The following ITGA1 variants were observed in gnomAD, a reference collection of about 807,000 sequenced individuals.
ITGA1 encodes integrin subunit alpha 1.
Under a neutral mutation model 145.9 loss-of-function variants are expected in ITGA1, and 85 were observed. The observed-to-expected ratio is 0.58, with a 90% CI of 0.49 to 0.70. The LOEUF (loss-of-function observed/expected upper bound fraction) is 0.70. Among genes scored for constraint, ITGA1 ranks in the 30% least tolerant of loss-of-function variants. ITGA1 has a pLI of 0.00. For missense variants in ITGA1, 1,351 were observed against 1,418.7 expected (o/e 0.95, Z 0.77); for synonymous variants, 520 against 495.3 (o/e 1.05, Z -0.66).
chr5:52,865,640 C>T (rs770930494), intron 5 of ITGA1, 50 bp from the exon 6 acceptor site: 3 of 1,408,094 alleles, frequency 2.1e-6, no homozygotes, highest in Non-Finnish European at 1.9e-6. Context: ...CTTCATATGC[C>T]TCTGAAAAAA....
chr5:52,884,354 G>A (rs1750013107), intron 7 of ITGA1, among the ~76,000 whole-genome samples: 1 of 151,926 alleles, frequency 6.6e-6, no homozygotes, highest in Non-Finnish European at 1.5e-5. Flanking sequence ...GGCTGAGGCA[G>A]GAGAAGCGCC....
At chr5:52,912,833 A>T (rs748772311) in intron 14 of ITGA1, among the ~76,000 whole-genome samples, 2 of 149,890 alleles carry the variant, frequency 1.3e-5, no homozygotes, top group African/African-American at 4.9e-5. Flanking sequence ...TGCACGCTCC[A>T]CCTCCCAGGT....
At chr5:52,800,161 G>A in intron 1 of ITGA1, 1 of 562,058 alleles carries the variant, frequency 1.8e-6, no homozygotes, top group Non-Finnish European at 3.2e-6. Context: ...TCGCTGCAGT[G>A]TTCCCCGAGC....
At chr5:52,869,249 C>T (rs1333694500) in intron 6 of ITGA1, among the ~76,000 whole-genome samples, 1 of 152,168 alleles carries the variant, frequency 6.6e-6, no homozygotes, top group East Asian at 1.9e-4. Context: ...CAGCCTCCAC[C>T]TTCTGGGTTC....
chr5:52,826,242 A>T (rs1365681380), intron 1 of ITGA1, among the ~76,000 whole-genome samples: 2 of 152,220 alleles, frequency 1.3e-5, no homozygotes, highest in Admixed American at 1.3e-4. Flanking sequence ...ACTAGCCACA[A>T]CAGTCACTTA....
At chr5:52,912,730 GT>G (rs1750583862) in intron 14 of ITGA1, among the ~76,000 whole-genome samples, 1 of 141,698 alleles carries the variant, frequency 7.1e-6, no homozygotes, top group African/African-American at 2.8e-5. Context: ...GTGTGTGTGT[GT>G]GTGTGTGTGT....
Position 52,918,760 on chromosome 5 carries a change from A to G in ITGA1, c.2017A>G (p.Thr673Ala). Reference sequence around the variant, plus strand: ...CCGAGATGTGGCCGTAGTTAAAGTGACCATGAATTTTGAGCCAAATAAAGT... The same window carrying G: ...CCGAGATGTGGCCGTAGTTAAAGTGGCCATGAATTTTGAGCCAAATAAAGT... ...WSRDVAVVKVTMNFEPNKVNI... is the reference protein window; with the variant it reads ...WSRDVAVVKVAMNFEPNKVNI... Residue 673 changes from threonine to alanine, a missense_variant, in exon 16 of 29, where the codon ACC (threonine) becomes GCC (alanine). Coordinates refer to ENST00000282588, the MANE Select transcript of ITGA1 (RefSeq NM_181501.2). The G allele has an allele frequency of 6.2e-7, 1 of 1,611,824 alleles. No individual in the cohort carries two copies. The highest frequency in any genetic ancestry group is 2.2e-5 in the East Asian group (1 of 44,838).
chr5:52,905,741 C>A, intron 11 of ITGA1, 22 bp from the exon 12 acceptor site: 1 of 1,605,724 alleles, frequency 6.2e-7, no homozygotes, highest in Non-Finnish European at 8.5e-7. Context: ...AGGTGGTATA[C>A]CTGGAATCTT....
chr5:52,918,942 T>C (rs745425128), intron 16 of ITGA1, 44 bp downstream of exon 16: 17 of 1,481,780 alleles, frequency 1.1e-5, no homozygotes, highest in Non-Finnish European at 1.3e-5. Context: ...TAGAGGACAA[T>C]ATATTTGCTC....
intron 1 of ITGA1, among the ~76,000 whole-genome samples, chr5:52,823,985 G>C (rs1460833549): frequency 6.6e-6 from 1 of 152,260 alleles, no homozygotes; most frequent in African/African-American, 2.4e-5. Flanking sequence ...GATATTTAAA[G>C]AGCTCTAGCT....
chr5:52,925,303 A>G lies in ITGA1; in HGVS notation c.2429A>G (p.Asn810Ser), dbSNP rs1750787495. 2.5e-6 allele frequency: 4 copies of G among 1,613,972 alleles called. No homozygotes were observed. The highest frequency in any genetic ancestry group is 1.6e-4 in the Middle Eastern group (1 of 6,082). Residue 810 changes from asparagine to serine, a missense_variant, in exon 19 of 29, where the codon AAT (asparagine) becomes AGT (serine). Asn to Ser is a conservative substitution (Grantham distance 46). Transcript: ENST00000282588. The part of the protein sequence containing the change: ...EYIPFAKDCG[N>S]KEKCISDLSL... ...ATTCCCTTTGCCAAAGATTGTGGAA[A>G]TAAGGAAAAATGTATCTCAGACCTC...
rs1750828226 is a variant in ITGA1, at chr5:52,927,450, G to A, written c.2614-134G>A. 1.3e-5 allele frequency: 8 copies of A among 599,830 alleles called. No individual in the cohort carries two copies. In the South Asian group the frequency reaches 1.9e-4, roughly 14 times the overall value. 37.2% of individuals were successfully genotyped at this position (599,830 alleles called of 1,614,324 possible). ...AGAACAGCTGGTCCCAGAATTCTGT[G>A]CCTCTTCCAGCTAAATCGAGACAAA... On this transcript the variant is annotated intron_variant, in intron 19 of 28. Transcript: ENST00000282588.
chr5:52,874,206 C>A (rs760799369), intron 6 of ITGA1, among the ~76,000 whole-genome samples: 1 of 152,124 alleles, frequency 6.6e-6, no homozygotes, highest in Admixed American at 6.5e-5. Context: ...GAAGCAGCCA[C>A]GTGCAAAAAG....
chr5:52,807,834 C>A (rs1160418262), intron 1 of ITGA1, among the ~76,000 whole-genome samples: 1 of 152,066 alleles, frequency 6.6e-6, no homozygotes, highest in Non-Finnish European at 1.5e-5. Context: ...TTTTTTGTTG[C>A]TTAATTTTAA....
rs970923946 is a variant in ITGA1 at position 52,947,659 on chromosome 5, G to GA, written c.3495+206dup. Among the ~76,000 whole-genome samples, 17 of 151,712 alleles carry GA rather than the reference G, an allele frequency of 1.1e-4. No individual in the cohort carries two copies. The South Asian group carries it at 2.3e-3, about 20-fold the overall frequency. ...ACAACTTGACCCAATTTTTGTAAAGGAAAAAAAACTTATTTTAAGTTAGAA... is the reference window on the plus strand; with the variant it reads ...ACAACTTGACCCAATTTTTGTAAAGGAAAAAAAAACTTATTTTAAGTTAGAA... On this transcript the variant is annotated intron_variant, in intron 28 of 28. Coordinates refer to ENST00000282588, the MANE Select transcript of ITGA1 (RefSeq NM_181501.2).
intron 8 of ITGA1, among the ~76,000 whole-genome samples, chr5:52,889,122 A>G (rs988549816): frequency 2.8e-5 from 4 of 140,602 alleles, no homozygotes; most frequent in South Asian, 2.3e-4. Flanking sequence ...TTTTTTTTAA[A>G]TGGAGTCTCG....
At chr5:52,907,553 A>C (rs973289284) in intron 12 of ITGA1, among the ~76,000 whole-genome samples, 1 of 152,246 alleles carries the variant, frequency 6.6e-6, no homozygotes, top group African/African-American at 2.4e-5. Flanking sequence ...TCTGAAAGAA[A>C]GGTGGCTCCA....
chr5:52,845,172 G>A (rs1404112429), intron 1 of ITGA1, among the ~76,000 whole-genome samples: 1 of 152,142 alleles, frequency 6.6e-6, no homozygotes, highest in Non-Finnish European at 1.5e-5. Context: ...TTGGTCTTAT[G>A]TTGAGGAGGG....
In ITGA1 at chr5:52,956,950, G is replaced by A. The variant is rs140905363; in HGVS notation, c.*4499G>A. 126 of 152,278 alleles carry A rather than the reference G, an allele frequency of 8.3e-4. No homozygotes were observed. Among genetic ancestry groups the A allele is most frequent in the African/African-American group, 2.9e-3 (119 of 41,536 alleles). 9.4% of individuals were successfully genotyped at this position (152,278 alleles called of 1,614,324 possible). On this transcript the variant is annotated 3_prime_UTR_variant, in exon 29 of 29. Coordinates refer to ENST00000282588, the MANE Select transcript of ITGA1 (RefSeq NM_181501.2). ...CACCAGGTATTAATTGTTAACTGCA[G>A]TGAAAGGAAACCAAGGCACATTACA...
Sources: gnomAD v4.1 joint callset for allele counts (sites outside exome capture counted in the v4.1 genomes callset) on GRCh38, gnomAD v4.1.1 for gene constraint, MANE v1.5 for transcripts, NCBI Gene and HGNC (gene_info 2026-07-23, HGNC 2026-07-21) for gene names.